The following CAPN15 variants were observed in gnomAD, a reference collection of about 807,000 sequenced individuals.
CAPN15 encodes the protein calpain 15, also known as calpain-15.
In CAPN15, 53 loss-of-function variants were observed where a neutral mutation model predicts 97.9. The ratio of observed to expected loss-of-function variants is 0.54; its 90% CI spans 0.43 to 0.68. The LOEUF (loss-of-function observed/expected upper bound fraction) is 0.68. Ranked by LOEUF, CAPN15 falls within the 30% of genes least tolerant of loss-of-function variation. The pLI is 0.00. For missense variants in CAPN15, 1,592 were observed against 1,589.8 expected (o/e 1.00, Z -0.02); for synonymous variants, 922 against 722.5 (o/e 1.28, Z -4.43).
intron 1 of CAPN15, among the ~76,000 whole-genome samples, chr16:530,582 A>G (rs929310534): frequency 3.9e-5 from 6 of 152,194 alleles, no homozygotes; most frequent in African/African-American, 9.7e-5. Context: ...AGACCCGTTC[A>G]GCCACACCCT....
intron 2 of CAPN15, among the ~76,000 whole-genome samples, chr16:534,210 G>T (rs2033504995): frequency 1.3e-5 from 2 of 152,280 alleles, no homozygotes; most frequent in African/African-American, 4.8e-5. Flanking sequence ...AGGCGACGGT[G>T]AGGGCGGCCC....
intron 8 of CAPN15, 37 bp downstream of exon 8, chr16:551,464 G>C (rs765046713): frequency 1.2e-6 from 2 of 1,600,346 alleles, no homozygotes; most frequent in Non-Finnish European, 1.7e-6. Flanking sequence ...TGGGGTGCCG[G>C]TGAGACTCGG....
intron 1 of CAPN15, chr16:528,857 TC>T (rs1233467941): frequency 1.3e-6 from 1 of 747,874 alleles, no homozygotes; most frequent in Non-Finnish European, 1.6e-6. Context: ...CCGGATCTCT[TC>T]CTCTGCCCAG....
In CAPN15 at chr16:553,323, CG is replaced by C. The variant is rs750181383; in HGVS notation, c.3084-14del. 3.8e-6 allele frequency: 6 copies of C among 1,590,402 alleles called. No homozygotes were observed. Among genetic ancestry groups the C allele is most frequent in the Middle Eastern group, 1.7e-4 (1 of 6,008 alleles). On this transcript the variant is annotated splice_polypyrimidine_tract_variant and intron_variant, in intron 13 of 13. Transcript: ENST00000219611. ...CACCCTGCCCTCCACAGGTCCTCAC[CG>C]GTCCCCTCCCCCAGGCAGGTCCTGG...
Position 535,751 on chromosome 16 carries a change from T to G in CAPN15, c.-136-278T>G, listed in dbSNP as rs2033658991. On this transcript the variant is annotated intron_variant, in intron 2 of 13. Coordinates refer to ENST00000219611, the MANE Select transcript of CAPN15 (RefSeq NM_005632.3). The surrounding 1 kb of genome is among the most constrained non-coding windows in gnomAD (Gnocchi z 6.2). Reference sequence around the variant, plus strand: ...GGCGCCGCCCTGAGAGTCAGCCCTGTGGTCACGGCTCCTGCTGGTTCCCAT... The same window carrying G: ...GGCGCCGCCCTGAGAGTCAGCCCTGGGGTCACGGCTCCTGCTGGTTCCCAT... Among the ~76,000 whole-genome samples the G allele has an allele frequency of 1.3e-5, 2 of 152,050 alleles. No homozygotes were observed. Among genetic ancestry groups the G allele is most frequent in the Admixed American group, 1.3e-4 (2 of 15,282 alleles).
chr16:553,671 GC>G lies in CAPN15; in HGVS notation c.*161del, dbSNP rs1221335561. 2 of 514,526 alleles carry G rather than the reference GC, an allele frequency of 3.9e-6. No individual in the cohort carries two copies. The highest frequency in any genetic ancestry group is 2.1e-5 in the African/African-American group (1 of 46,642). 31.9% of individuals were successfully genotyped at this position (514,526 alleles called of 1,614,324 possible). ...GGGCTCAGCTTCCCATGGGCCCCCC[GC>G]CCCCCTCCTTCCCCTCCCTGAACCC... On this transcript the variant is annotated 3_prime_UTR_variant, in exon 14 of 14. Coordinates refer to ENST00000219611, the MANE Select transcript of CAPN15 (RefSeq NM_005632.3).
In CAPN15 at chr16:553,459, C is replaced by T; in HGVS notation, c.3204C>T (p.Thr1068=). Residue 1068 remains threonine (T), a synonymous_variant, in exon 14 of 14, where the codon ACC becomes ACT. Coordinates refer to ENST00000219611, the MANE Select transcript of CAPN15 (RefSeq NM_005632.3). ...GTGACTGGACAGCCTCCAAGGGGAC[C>T]CACAGCCCCCCACTCACGCCAGAGG... is the stretch of plus-strand genomic sequence containing the variant. ...FLSDWTASKG[T]HSPPLTPEVA... is the part of the protein sequence containing the mutation. 1 of 1,611,508 alleles carries T rather than the reference C, an allele frequency of 6.2e-7. No individual in the cohort carries two copies. The highest frequency in any genetic ancestry group is 8.5e-7 in the Non-Finnish European group (1 of 1,179,344).
Position 552,258 on chromosome 16 carries a change from G to A in CAPN15, c.2508-43G>A, listed in dbSNP as rs763205876. 220 of 1,535,374 alleles carry A rather than the reference G, an allele frequency of 1.4e-4. No individual in the cohort carries two copies. The highest frequency in any genetic ancestry group is 1.2e-3 in the South Asian group (102 of 83,502). On this transcript the variant is annotated intron_variant, in intron 10 of 13. Transcript: ENST00000219611. The surrounding 1 kb of genome is among the most constrained non-coding windows in gnomAD (Gnocchi z 6.4). ...TCGGGCTGGGCTGGGCTAGGCTGGC[G>A]GCCGTGACCACGCGTGACCCTGGCC...
rs765794330 is a variant in CAPN15 at position 551,604 on chromosome 16, A to G, written c.2285A>G (p.Glu762Gly). ...WPHWPGHLRG[E>G]LMPHGSSEGV... ...CACTGGCCGGGGCACCTGCGTGGCG[A>G]GCTCATGCCGCACGGCAGCAGTGAG... The change falls in exon 9 of 14, where the codon GAG (glutamate) becomes GGG (glycine). Residue 762 changes from glutamate to glycine, a missense_variant. By Grantham distance (98) the Glu-to-Gly change is moderately conservative. Transcript: ENST00000219611. The G allele has an allele frequency of 3.1e-6, 5 of 1,608,148 alleles. No individual in the cohort carries two copies. Among genetic ancestry groups the G allele is most frequent in the Non-Finnish European group, 4.2e-6 (5 of 1,178,792 alleles).
chr16:553,381 C>G lies in CAPN15; in HGVS notation c.3126C>G (p.Gly1042=). ...TGTCCCAGCTAGAGGGCAACGCCGG[C>G]TTCTCTATCACCCACCGCCTGGCAC... ...VILSQLEGNA[G]FSITHRLAHR... Residue 1042 remains glycine (G), a synonymous_variant, in exon 14 of 14, where the codon GGC becomes GGG. Coordinates refer to ENST00000219611, the MANE Select transcript of CAPN15 (RefSeq NM_005632.3). 6.2e-7 allele frequency: 1 copy of G among 1,608,776 alleles called. No individual in the cohort carries two copies. The highest frequency in any genetic ancestry group is 2.2e-5 in the East Asian group (1 of 44,650).
intron 7 of CAPN15, 95 bp downstream of exon 7, chr16:549,933 T>C (rs768043730): frequency 3.4e-5 from 36 of 1,060,954 alleles, no homozygotes; most frequent in Non-Finnish European, 4.9e-5. Context: ...GACCCAGTTC[T>C]GCTTCCACGA....
At chr16:539,091 TCTCACTGTGTTG>T (rs1339904183) in intron 3 of CAPN15, 1 of 152,226 alleles carries the variant, frequency 6.6e-6, no homozygotes, top group Non-Finnish European at 1.5e-5. Context: ...AAAGACAGGG[TCTCACTGTGTTG>T]CCCAGGCTGG....
rs1189003076 is a variant in CAPN15, at chr16:547,096, C to A, written c.258C>A (p.Val86=). The A allele has an allele frequency of 1.3e-6, 2 of 1,583,358 alleles. No homozygotes were observed. The highest frequency in any genetic ancestry group is 2.3e-5 in the East Asian group (1 of 44,036). Residue 86 remains valine (V), a synonymous_variant, in exon 4 of 14, where the codon GTC becomes GTA. Transcript: ENST00000219611. ...GAAFLPVLNG[V]LPKPPAILGE... ...CCTTCCTGCCAGTCCTCAACGGGGT[C>A]CTCCCCAAGCCACCCGCCATCCTGG...
Position 547,520 on chromosome 16 carries a change from A to G in CAPN15, c.682A>G (p.Arg228Gly), listed in dbSNP as rs762047629. 2 of 1,598,182 alleles carry G rather than the reference A, an allele frequency of 1.3e-6. No homozygotes were observed. The highest frequency in any genetic ancestry group is 1.7e-6 in the Non-Finnish European group (2 of 1,179,120). ...CCCAGCTGCCGAACCAGAGCCGCCC[A>G]GGGTCCCGCCCTTCAGCCCCTTCTC... Reference protein sequence around the residue: ...QGPAAEPEPPRVPPFSPFSST... With the variant: ...QGPAAEPEPPGVPPFSPFSST... The change falls in exon 4 of 14, where the codon AGG (arginine) becomes GGG (glycine). Residue 228 changes from arginine to glycine, a missense_variant. Around this residue, in one of 3 missense-constraint regions of CAPN15, gnomAD observed 883 missense variants for 776.6 expected, o/e 1.14. Transcript: ENST00000219611.
rs770219726 is a variant in CAPN15, at chr16:552,171, G to A, written c.2466G>A (p.Glu822=). Residue 822 remains glutamate (E), a synonymous_variant, in exon 10 of 14, where the codon GAG becomes GAA. Transcript: ENST00000219611. The surrounding 1 kb of genome is among the most constrained non-coding windows in gnomAD (Gnocchi z 6.4). ...PVGVTALTVL[E]RASLEFALFQ... is the part of the protein sequence containing the mutation. ...GGGTAACAGCGCTCACGGTGCTGGA[G>A]CGGGCCTCGCTGGAGTTCGCGCTCT... 6.4e-5 allele frequency: 98 copies of A among 1,541,796 alleles called. No individual in the cohort carries two copies. The highest frequency in any genetic ancestry group is 7.9e-5 in the Non-Finnish European group (90 of 1,142,496).
Position 549,456 on chromosome 16 carries a change from C to T in CAPN15, c.1827C>T (p.Cys609=), listed in dbSNP as rs761758928. Residue 609 remains cysteine (C), a synonymous_variant, in exon 6 of 14, where the codon TGC becomes TGT. Transcript: ENST00000219611. ...DDMLPCDEAG[C]LLFSQAQRKQ... Reference sequence around the variant, plus strand: ...TGCTGCCCTGTGATGAGGCCGGCTGCCTCCTCTTCTCACAGGTGGGGCGGC... The same window carrying T: ...TGCTGCCCTGTGATGAGGCCGGCTGTCTCCTCTTCTCACAGGTGGGGCGGC... 1.3e-6 allele frequency: 2 copies of T among 1,594,462 alleles called. No homozygotes were observed. Among genetic ancestry groups the T allele is most frequent in the East Asian group, 4.5e-5 (2 of 44,596 alleles).
chr16:528,807 G>T, intron 1 of CAPN15: 1 of 966,264 alleles, frequency 1.0e-6, no homozygotes, highest in Non-Finnish European at 1.2e-6. Context: ...CTGGGACTCC[G>T]TTGGGTGCTG....
At chr16:551,895 G>A (rs1280587815) in intron 9 of CAPN15, 156 bp from the exon 10 acceptor site, 2 of 981,110 alleles carry the variant, frequency 2.0e-6, no homozygotes, top group East Asian at 2.6e-5. Flanking sequence ...CCTATTATAG[G>A]CCTCAGGGAT....
intron 3 of CAPN15, among the ~76,000 whole-genome samples, chr16:546,243 T>C (rs529040060): frequency 6.6e-6 from 1 of 152,354 alleles, no homozygotes; most frequent in African/African-American, 2.4e-5. Context: ...AGGTTTTCTT[T>C]CTTCCTGAAC....
Sources: allele counts gnomAD v4.1 joint callset (sites outside exome capture counted in the v4.1 genomes callset), GRCh38; gene constraint gnomAD v4.1.1; regional missense constraint gnomAD v4.1.1; non-coding constraint Gnocchi (gnomAD v3.1); transcripts MANE v1.5; gene names NCBI Gene and HGNC (gene_info 2026-07-23, HGNC 2026-07-21).